Variants in SLC22A31 observed in about 807,000 individuals in gnomAD.
SLC22A31 encodes solute carrier family 22 member 31.
SLC22A31 carries 42 observed loss-of-function variants against 27.4 expected under a neutral mutation model. The observed-to-expected ratio is 1.53, with a 90% CI of 1.20 to 1.98. The LOEUF is 1.98. Ranked by LOEUF, SLC22A31 falls within the 30% of genes most tolerant of loss-of-function variation. The probability of loss-of-function intolerance (pLI) is 0.00; values close to 1 mark genes in which losing one functional copy is unlikely to be tolerated. For missense variants in SLC22A31, 593 were observed against 479.9 expected (o/e 1.24, Z -2.20); for synonymous variants, 290 against 230.8 (o/e 1.26, Z -2.33).
Position 89,195,907 on chromosome 16 carries a change from G to T in SLC22A31, c.*92C>A, listed in dbSNP as rs1423275880. 1 of 1,337,968 alleles carries T rather than the reference G, an allele frequency of 7.5e-7. No homozygotes were observed. The highest frequency in any genetic ancestry group is 2.6e-5 in the East Asian group (1 of 38,624). 82.9% of individuals were successfully genotyped at this position (1,337,968 alleles called of 1,614,324 possible). A position where few individuals can be genotyped will look rare whatever the true frequency, so the allele number is the denominator to read the frequency against. ...TGAGACACGGGCTTCTGAGAGGAAT[G>T]TGTCTGCCCTGGACCAGACGTCTGG... On this transcript the variant is annotated 3_prime_UTR_variant, in exon 9 of 9. Coordinates refer to ENST00000682282, the MANE Select transcript of SLC22A31 (RefSeq NM_001384763.1).
intron 3 of SLC22A31, 80 bp downstream of exon 3, chr16:89,199,333 G>A: frequency 4.6e-6 from 4 of 870,892 alleles, no homozygotes; most frequent in Non-Finnish European, 1.7e-6. Flanking sequence ...GCAGCTCGGG[G>A]CCCTCGGCAA....
In SLC22A31 at chr16:89,196,118, G is replaced by T. The variant is rs902284527; in HGVS notation, c.1222C>A (p.Gln408Lys). ...GAGCGGCGCAGGCGGTCGGCGTCCT[G>T]CAGTGACTGGGGCAGCCCCCGGCTT... ...SRSRGLPQSL[Q>K]DADRLRRSPL... is the part of the protein sequence containing the mutation. The change falls in exon 9 of 9, where the codon CAG becomes AAG. Residue 408 changes from glutamine (Q) to lysine (K), a missense_variant. Coordinates refer to ENST00000682282, the MANE Select transcript of SLC22A31 (RefSeq NM_001384763.1). 1 of 1,534,582 alleles carries T rather than the reference G, an allele frequency of 6.5e-7. No individual in the cohort carries two copies. Among genetic ancestry groups the T allele is most frequent in the Non-Finnish European group, 8.7e-7 (1 of 1,146,482 alleles).
chr16:89,198,709 C>G lies in SLC22A31; in HGVS notation c.541G>C (p.Glu181Gln). ...RARKILWRFA[E>Q]ASGVGPGDSS... ...TCCCCGGGGCCCACGCCACTGGCTT[C>G]TGCAAAGCGCCACAGGATCTTCCTG... The change falls in exon 5 of 9, where the codon GAA (glutamate) becomes CAA (glutamine). Residue 181 changes from glutamate to glutamine, a missense_variant. By Grantham distance (29) the Glu-to-Gln change is conservative. Transcript: ENST00000682282. The G allele has an allele frequency of 6.5e-7, 1 of 1,535,806 alleles. No individual in the cohort carries two copies. Among genetic ancestry groups the G allele is most frequent in the Non-Finnish European group, 8.7e-7 (1 of 1,146,796 alleles).
At chr16:89,197,762 G>A (rs1916105332) in intron 7 of SLC22A31, among the ~76,000 whole-genome samples, 1 of 152,218 alleles carries the variant, frequency 6.6e-6, no homozygotes, top group African/African-American at 2.4e-5. Context: ...TTTGCACCTA[G>A]CTCCACACAC....
upstream of SLC22A31, chr16:89,201,352 GGGGCGCGGGCCCGGGGCGGGTGCA>G (rs1474033373): frequency 6.3e-5 from 12 of 190,910 alleles, no homozygotes; most frequent in Admixed American, 1.7e-4. Flanking sequence ...GTGCGGGCGC[GGGGCGCGGGCCCGGGGCGGGTGCA>G]GGGCGCGGGA....
At chr16:89,197,684 A>G (rs534603852) in intron 7 of SLC22A31, among the ~76,000 whole-genome samples, 1 of 152,278 alleles carries the variant, frequency 6.6e-6, no homozygotes, top group Admixed American at 6.5e-5. Context: ...TGTGCTGTCC[A>G]CTGTCTTTGC....
chr16:89,197,449 G>C lies in SLC22A31; in HGVS notation c.923-40C>G, dbSNP rs1597318965. 5 of 1,451,464 alleles carry C rather than the reference G, an allele frequency of 3.4e-6. No individual in the cohort carries two copies. In the African/African-American group the frequency reaches 5.6e-5, roughly 16 times the overall value. 89.9% of individuals were successfully genotyped at this position (1,451,464 alleles called of 1,614,324 possible). On this transcript the variant is annotated intron_variant, in intron 7 of 8. Transcript: ENST00000682282. ...CAGGGGTTCCCAGGCTCTCTCCCCA[G>C]GCCTTCCACCCTGGCCACTCAGGGC... is the stretch of plus-strand genomic sequence containing the variant.
Position 89,195,992 on chromosome 16 carries a change from G to A in SLC22A31, c.*7C>T, listed in dbSNP as rs1482931269. ...CCCATCCTGGCTCCCAGGGCCACCA[G>A]GCAGGACTAGTGCTGCTCGGGGGTG... On this transcript the variant is annotated 3_prime_UTR_variant, in exon 9 of 9. Transcript: ENST00000682282. 3 of 1,482,486 alleles carry A rather than the reference G, an allele frequency of 2.0e-6. No individual in the cohort carries two copies. Among genetic ancestry groups the A allele is most frequent in the Middle Eastern group, 2.4e-4 (1 of 4,146 alleles). 91.8% of individuals were successfully genotyped at this position (1,482,486 alleles called of 1,614,324 possible). A position where few individuals can be genotyped will look rare whatever the true frequency, so the allele number is the denominator to read the frequency against.
Position 89,195,882 on chromosome 16 carries a change from T to C in SLC22A31, c.*117A>G. 2 of 1,241,068 alleles carry C rather than the reference T, an allele frequency of 1.6e-6. No individual in the cohort carries two copies. Among genetic ancestry groups the C allele is most frequent in the South Asian group, 1.6e-5 (1 of 61,920 alleles). 76.9% of individuals were successfully genotyped at this position (1,241,068 alleles called of 1,614,324 possible). On this transcript the variant is annotated 3_prime_UTR_variant, in exon 9 of 9. Transcript: ENST00000682282. ...GCTGTCCCCACGGCTCCACCTGCACTGAGACACGGGCTTCTGAGAGGAATG... is the reference window on the plus strand; with the variant it reads ...GCTGTCCCCACGGCTCCACCTGCACCGAGACACGGGCTTCTGAGAGGAATG...
upstream of SLC22A31, chr16:89,201,120 G>A (rs1597324331): frequency 1.9e-5 from 7 of 376,348 alleles, no homozygotes; most frequent in East Asian, 2.7e-4. Context: ...CGTCGGGCCG[G>A]CGGCCGCCCC....
rs752267030 is a variant in SLC22A31 at position 89,199,559 on chromosome 16, C to T, written c.137G>A (p.Arg46His). Reference protein sequence around the residue: ...ILGAGCDRFGRRAVFVASLVL... With the variant: ...ILGAGCDRFGHRAVFVASLVL... ...CAGGGAGGCCACAAAAACTGCCCGG[C>T]GTCCAAACCTGGTGGGCAGCGGGGG... The change falls in exon 3 of 9, where the codon CGC becomes CAC. Residue 46 changes from arginine (R) to histidine (H), a missense_variant. Coordinates refer to ENST00000682282, the MANE Select transcript of SLC22A31 (RefSeq NM_001384763.1). 2.3e-6 allele frequency: 1 copy of T among 440,462 alleles called. No individual in the cohort carries two copies. 27.3% of individuals were successfully genotyped at this position (440,462 alleles called of 1,614,324 possible).
Position 89,196,082 on chromosome 16 carries a change from G to C in SLC22A31, c.1258C>G (p.Arg420Gly), listed in dbSNP as rs746123571. 6.5e-7 allele frequency: 1 copy of C among 1,532,546 alleles called. No homozygotes were observed. Among genetic ancestry groups the C allele is most frequent in the South Asian group, 1.2e-5 (1 of 83,888 alleles). 94.9% of individuals were successfully genotyped at this position (1,532,546 alleles called of 1,614,324 possible). ...ADRLRRSPLLRGRPRQDHLPL... is the reference protein window; with the variant it reads ...ADRLRRSPLLGGRPRQDHLPL... Reference sequence around the variant, plus strand: ...AGGTGGTCCTGGCGGGGGCGGCCCCGCAGGAGTGGGGAGCGGCGCAGGCGG... The same window carrying C: ...AGGTGGTCCTGGCGGGGGCGGCCCCCCAGGAGTGGGGAGCGGCGCAGGCGG... Residue 420 changes from arginine to glycine, a missense_variant, in exon 9 of 9, where the codon CGG (arginine) becomes GGG (glycine). By Grantham distance (125) the Arg-to-Gly change is moderately radical. Transcript: ENST00000682282.
Position 89,196,473 on chromosome 16 carries a change from G to C in SLC22A31, c.1035-168C>G, listed in dbSNP as rs1597317621. 6.2e-6 allele frequency: 8 copies of C among 1,300,654 alleles called. No individual in the cohort carries two copies. In the East Asian group the frequency reaches 1.8e-4, roughly 29 times the overall value. The allele number at this position is 1,300,654 out of a possible 1,614,324, so 80.6% of individuals were successfully genotyped here. On this transcript the variant is annotated intron_variant, in intron 8 of 8. Transcript: ENST00000682282. ...CCAGGCCCAGGCCGGCCCCTCTGTG[G>C]GAGAGAGTGCGTTGGGGGCAGCTGG...
rs113602629 is a variant in SLC22A31, at chr16:89,196,235, G to A, written c.1105C>T (p.His369Tyr). ...GQAAGPLDTL[H>Y]GRQGFFLQQV... Reference sequence around the variant, plus strand: ...TGCAGGAAGAAGCCCTGCCGGCCGTGCAGGGTGTCCAGGGGGCCGGCTGCC... The same window carrying A: ...TGCAGGAAGAAGCCCTGCCGGCCGTACAGGGTGTCCAGGGGGCCGGCTGCC... The change falls in exon 9 of 9, where the codon CAC becomes TAC. Residue 369 changes from histidine to tyrosine, a missense_variant. Transcript: ENST00000682282. 21 of 1,534,306 alleles carry A rather than the reference G, an allele frequency of 1.4e-5. No individual in the cohort carries two copies. The highest frequency in any genetic ancestry group is 1.7e-5 in the Non-Finnish European group (20 of 1,146,448).
chr16:89,198,078 C>G (rs1168959608), intron 7 of SLC22A31, 44 bp downstream of exon 7: 1 of 1,526,922 alleles, frequency 6.5e-7, no homozygotes, highest in Non-Finnish European at 8.8e-7. Flanking sequence ...ACCGTCGGCC[C>G]AAACACAATG....
intron 4 of SLC22A31, 31 bp downstream of exon 4, chr16:89,198,992 G>C: frequency 1.3e-6 from 2 of 1,529,850 alleles, no homozygotes; most frequent in Non-Finnish European, 1.7e-6. Context: ...GCCCCGATGA[G>C]GGCTGCTGGC....
Position 89,198,752 on chromosome 16 carries a change from T to A in SLC22A31, c.498A>T (p.Thr166=). Residue 166 remains threonine (T), a synonymous_variant, in exon 5 of 9, where the codon ACA becomes ACT. Coordinates refer to ENST00000682282, the MANE Select transcript of SLC22A31 (RefSeq NM_001384763.1). The part of the protein sequence containing the change: ...FPESPCWLLA[T]GQVARARKIL... ...TCTTCCTGGCTCGAGCTACCTGACC[T>A]GTGGCCAGCAGCCAGCAGGGAGACT... The A allele has an allele frequency of 1.3e-6, 2 of 1,535,028 alleles. No individual in the cohort carries two copies. The highest frequency in any genetic ancestry group is 4.9e-5 in the East Asian group (2 of 40,890).
chr16:89,197,036 C>T (rs146834613), intron 8 of SLC22A31, among the ~76,000 whole-genome samples: 2 of 152,148 alleles, frequency 1.3e-5, no homozygotes, highest in Non-Finnish European at 2.9e-5. Flanking sequence ...TCTCTGCCCC[C>T]ACCCCGCACT....
Position 89,198,441 on chromosome 16 carries a change from C to A in SLC22A31, c.707+1G>T. On this transcript the variant is annotated splice_donor_variant, in intron 6 of 8. Transcript: ENST00000682282. LOFTEE classifies it high-confidence loss of function. The stretch of plus-strand genomic sequence containing the variant: ...AGGACCCCAGCCCTTCCTCGACTCA[C>A]GAGCTGAAGCCCAAGATAAGCCCGT... The A allele has an allele frequency of 6.6e-7, 1 of 1,516,570 alleles. No homozygotes were observed. Among genetic ancestry groups the A allele is most frequent in the Non-Finnish European group, 8.8e-7 (1 of 1,136,112 alleles). 93.9% of individuals were successfully genotyped at this position (1,516,570 alleles called of 1,614,324 possible).
Sources: allele counts gnomAD v4.1 joint callset (sites outside exome capture counted in the v4.1 genomes callset), GRCh38; gene constraint gnomAD v4.1.1; transcripts MANE v1.5; gene names NCBI Gene and HGNC (gene_info 2026-07-23, HGNC 2026-07-21).